The following CR1L variants were observed in gnomAD, a reference collection of about 807,000 sequenced individuals.
CR1L encodes complement C3b/C4b receptor 1 like.
A neutral mutation model predicts 62.3 loss-of-function variants in CR1L; 59 were observed. That is an observed-to-expected ratio of 0.95 (90% CI 0.77 to 1.18). CR1L has a LOEUF of 1.18. Ranked by LOEUF, CR1L falls within the 50% of genes most tolerant of loss-of-function variation. The pLI is 0.00. For synonymous variants in CR1L, 279 were observed against 248.7 expected (o/e 1.12, Z -1.15); for missense variants, 700 against 702.8 (o/e 1.00, Z 0.04).
chr1:207,689,991 T>C (rs1663971421), intron 4 of CR1L, among the ~76,000 whole-genome samples: 1 of 152,074 alleles, frequency 6.6e-6, no homozygotes, highest in Admixed American at 6.5e-5. Flanking sequence ...GGTAATATCT[T>C]TTTGCTTCTT....
intron 1 of CR1L, among the ~76,000 whole-genome samples, chr1:207,654,609 A>G (rs1392206098): frequency 6.6e-6 from 1 of 152,220 alleles, no homozygotes; most frequent in African/African-American, 2.4e-5. Context: ...AGCTACTCCT[A>G]GAAAGACATT....
intron 1 of CR1L, among the ~76,000 whole-genome samples, chr1:207,672,740 A>T (rs1340134536): frequency 6.6e-6 from 1 of 152,134 alleles, no homozygotes; most frequent in Admixed American, 6.5e-5. Context: ...CATGGTCCTC[A>T]TGTAGGATCT....
chr1:207,688,659 T>A (rs11578338), intron 4 of CR1L, among the ~76,000 whole-genome samples: 5,838 of 152,294 alleles, frequency 0.038, 177 homozygotes, highest in South Asian at 0.12. Flanking sequence ...ACTTAGTACA[T>A]CAATTTGTAG....
At chr1:207,710,403 C>A (rs1013891117) in intron 10 of CR1L, 2 of 1,535,558 alleles carry the variant, frequency 1.3e-6, no homozygotes, top group Non-Finnish European at 9.0e-7. Flanking sequence ...GGGCTACCCC[C>A]CAACATCACC....
rs184425536 is a variant in CR1L, at chr1:207,678,348, C to A, written c.377+51C>A. The A allele has an allele frequency of 7.0e-5, 102 of 1,464,556 alleles. No individual in the cohort carries two copies. In the African/African-American group the frequency reaches 1.4e-3, roughly 20 times the overall value. The allele number at this position is 1,464,556 out of a possible 1,614,324, so 90.7% of individuals were successfully genotyped here. Reference sequence around the variant, plus strand: ...ATCTCTTGGTTCAAGGGTTCTAACACAGCCATACTACCTTCTAGTCACATC... The same window carrying A: ...ATCTCTTGGTTCAAGGGTTCTAACAAAGCCATACTACCTTCTAGTCACATC... On this transcript the variant is annotated intron_variant, in intron 3 of 11. Coordinates refer to ENST00000508064, the MANE Select transcript of CR1L (RefSeq NM_175710.2).
intron 1 of CR1L, among the ~76,000 whole-genome samples, chr1:207,673,854 G>A (rs1422940359): frequency 6.6e-6 from 1 of 152,130 alleles, no homozygotes; most frequent in Non-Finnish European, 1.5e-5. Context: ...TCCACAAAAA[G>A]ACTTGTACAT....
intron 10 of CR1L, among the ~76,000 whole-genome samples, chr1:207,712,526 A>G (rs1480498599): frequency 3.3e-5 from 5 of 152,200 alleles, no homozygotes; most frequent in African/African-American, 1.2e-4. Context: ...CCTTTCTACA[A>G]TGTGTCAGCC....
rs755616564 is a variant in CR1L at position 207,694,639 on chromosome 1, A to C, written c.750A>C (p.Leu250Phe). The change falls in exon 5 of 12, where the codon TTA becomes TTC. Residue 250 changes from leucine (L) to phenylalanine (F), a missense_variant. Leu to Phe is a conservative substitution (Grantham distance 22). Transcript: ENST00000508064. ...CTGACAACAGAAGCTTATTTTCCTT[A>C]AATGAAGTTGTGGAGTTTAGGTGTC... ...LVSDNRSLFS[L>F]NEVVEFRCQP... 1 of 1,611,884 alleles carries C rather than the reference A, an allele frequency of 6.2e-7. No individual in the cohort carries two copies. The highest frequency in any genetic ancestry group is 8.5e-7 in the Non-Finnish European group (1 of 1,179,730).
At chr1:207,699,370 A>G in intron 8 of CR1L, 96 bp downstream of exon 8, 1 of 1,431,502 alleles carries the variant, frequency 7.0e-7, no homozygotes, top group Admixed American at 2.0e-5. Flanking sequence ...TCAATTTTCT[A>G]ATCTGAATTA....
intron 7 of CR1L, 64 bp downstream of exon 7, chr1:207,697,937 G>A: frequency 1.9e-6 from 3 of 1,608,500 alleles, no homozygotes. Flanking sequence ...GTCCAAAAAG[G>A]GGAGATTTGA....
chr1:207,651,006 C>G (rs1663214522), intron 1 of CR1L, among the ~76,000 whole-genome samples: 1 of 152,030 alleles, frequency 6.6e-6, no homozygotes. Flanking sequence ...AGGATGGTCT[C>G]TATCTCCTGA....
chr1:207,712,999 C>T (rs1319516885), intron 10 of CR1L, among the ~76,000 whole-genome samples: 18 of 150,704 alleles, frequency 1.2e-4, no homozygotes, highest in Admixed American at 9.9e-4. Context: ...TTGAAATAAG[C>T]GTTAATCCAA....
intron 1 of CR1L, among the ~76,000 whole-genome samples, chr1:207,675,152 CAT>C (rs1213911038): frequency 2.0e-5 from 3 of 152,102 alleles, no homozygotes; most frequent in African/African-American, 7.2e-5. Flanking sequence ...TCAAATTATA[CAT>C]ATCTAATATC....
intron 1 of CR1L, among the ~76,000 whole-genome samples, chr1:207,674,823 T>C (rs1457964985): frequency 6.6e-6 from 1 of 151,866 alleles, no homozygotes; most frequent in Admixed American, 6.6e-5. Flanking sequence ...AGAGGAAAGG[T>C]GAATGCATAA....
intron 1 of CR1L, among the ~76,000 whole-genome samples, chr1:207,663,930 A>G (rs964315102): frequency 2.0e-5 from 3 of 152,174 alleles, no homozygotes; most frequent in Admixed American, 6.5e-5. Context: ...AACACGACCT[A>G]TATTTCTGTC....
At chr1:207,669,265 A>G (rs1250501265) in intron 1 of CR1L, 14 of 506,660 alleles carry the variant, frequency 2.8e-5, no homozygotes, top group East Asian at 3.7e-5. Flanking sequence ...ATGGGGAGTA[A>G]ACATGGCCTT....
In CR1L at chr1:207,699,252, T is replaced by C; in HGVS notation, c.1206T>C (p.Asn402=). ...TGGCTGGAATGGAAAGCCTTTGGAA[T>C]AGCAGTGTTCCAGTGTGTGAACGTA... ...CVLAGMESLW[N]SSVPVCERKS... is the part of the protein sequence containing the mutation. Residue 402 remains asparagine, a synonymous_variant, in exon 8 of 12, where the codon AAT becomes AAC. Coordinates refer to ENST00000508064, the MANE Select transcript of CR1L (RefSeq NM_175710.2). The C allele has an allele frequency of 6.2e-7, 1 of 1,613,804 alleles. No individual in the cohort carries two copies. Among genetic ancestry groups the C allele is most frequent in the Non-Finnish European group, 8.5e-7 (1 of 1,179,682 alleles).
chr1:207,674,678 A>C (rs1222293337), intron 1 of CR1L, among the ~76,000 whole-genome samples: 3 of 152,188 alleles, frequency 2.0e-5, no homozygotes, highest in Non-Finnish European at 4.4e-5. Context: ...CTCTCATTGC[A>C]AGCTTTGTTG....
intron 1 of CR1L, among the ~76,000 whole-genome samples, chr1:207,646,890 A>C (rs1663135497): frequency 6.6e-6 from 1 of 152,188 alleles, no homozygotes; most frequent in Non-Finnish European, 1.5e-5. Flanking sequence ...TTCCATGTAC[A>C]GATTGTACGT....
Sources: gnomAD v4.1 joint callset for allele counts (sites outside exome capture counted in the v4.1 genomes callset) on GRCh38, gnomAD v4.1.1 for gene constraint, MANE v1.5 for transcripts, NCBI Gene and HGNC (gene_info 2026-07-23, HGNC 2026-07-21) for gene names.